The following ENPP3 variants were observed in gnomAD, a reference collection of about 807,000 sequenced individuals.
ENPP3 encodes ectonucleotide pyrophosphatase/phosphodiesterase 3, also known as ectonucleotide pyrophosphatase/phosphodiesterase family member 3.
Under a neutral mutation model 117.8 loss-of-function variants are expected in ENPP3, and 104 were observed. The ratio of observed to expected loss-of-function variants is 0.88; its 90% confidence interval spans 0.75 to 1.04. The LOEUF is 1.04. Ranked by LOEUF, ENPP3 falls within the 50% of genes least tolerant of loss-of-function variation. The probability of loss-of-function intolerance (pLI) is 0.00; values close to 1 mark genes in which losing one functional copy is unlikely to be tolerated. For synonymous variants in ENPP3, 380 were observed against 349.9 expected, an observed-to-expected ratio of 1.09 and a Z score of -0.96; for missense variants, 1,026 against 1,051.9, an observed-to-expected ratio of 0.98 and a Z score of 0.34.
At chr6:131,669,655 C>CAA (rs67597128) in intron 6 of ENPP3, among the ~76,000 whole-genome samples, 47 of 61,680 alleles carry the variant, frequency 7.6e-4, no homozygotes, top group East Asian at 1.9e-3. Context: ...GACTCCATCT[C>CAA]AAAAAAAAAA....
rs989258734 is a variant in ENPP3 at position 131,719,538 on chromosome 6, A to G, written c.1480-754A>G. ...GTAAATATTTGAAAACGATCTCTGG[A>G]GAAAGAGCTTTACTATTAATTGGGG... is the stretch of plus-strand genomic sequence containing the variant. On this transcript the variant is annotated intron_variant, in intron 16 of 24. Transcript: ENST00000357639. 1.3e-5 allele frequency among the ~76,000 whole-genome samples: 2 copies of G among 152,134 alleles called. 1 individual carries two copies. Among genetic ancestry groups the G allele is most frequent in the Admixed American group, 1.3e-4 (2 of 15,264 alleles).
chr6:131,664,886 C>T (rs1199233623), intron 6 of ENPP3, among the ~76,000 whole-genome samples: 2 of 152,124 alleles, frequency 1.3e-5, no homozygotes, highest in African/African-American at 4.8e-5. Flanking sequence ...CAACACATTT[C>T]TAGGAATGTA....
intron 14 of ENPP3, among the ~76,000 whole-genome samples, chr6:131,692,761 T>G (rs985028087): frequency 3.4e-5 from 5 of 145,782 alleles, no homozygotes; most frequent in African/African-American, 1.3e-4. Flanking sequence ...GATATATGGT[T>G]ATATATGATA....
chr6:131,652,469 A>G (rs1778283257), intron 3 of ENPP3, 73 bp from the exon 4 acceptor site: 1 of 1,407,596 alleles, frequency 7.1e-7, no homozygotes, highest in Non-Finnish European at 9.9e-7. Context: ...ATAATATAGG[A>G]ATAAATAAAT....
At chr6:131,653,312 CTTT>C (rs57202650) in intron 5 of ENPP3, among the ~76,000 whole-genome samples, 10 of 133,744 alleles carry the variant, frequency 7.5e-5, no homozygotes, top group Admixed American at 3.8e-4. Flanking sequence ...ATTTTTCTCT[CTTT>C]TTTTTTTTTT....
chr6:131,742,093 T>C (rs1780538309), intron 24 of ENPP3, among the ~76,000 whole-genome samples: 1 of 150,568 alleles, frequency 6.6e-6, no homozygotes, highest in African/African-American at 2.4e-5. Context: ...AGTGTTTAAA[T>C]TGTCTAAAGA....
rs1223423645 is a variant in ENPP3, at chr6:131,685,588, AC to A, written c.1252+96del. 11 of 1,274,140 alleles carry A rather than the reference AC, an allele frequency of 8.6e-6. No individual in the cohort carries two copies. In the African/African-American group the frequency reaches 1.0e-4, roughly 12 times the overall value. The allele number at this position is 1,274,140 out of a possible 1,614,324, so 78.9% of individuals were successfully genotyped here. A position where few individuals can be genotyped will look rare whatever the true frequency, so the allele number is the denominator to read the frequency against. On this transcript the variant is annotated intron_variant, in intron 13 of 24. Coordinates refer to ENST00000357639, the MANE Select transcript of ENPP3 (RefSeq NM_005021.5). Reference sequence around the variant, plus strand: ...TCTGAGAGGAAGTTGGGGTTATCAGACCCTCTACTGACTTCTTGAGAAGACC... The same window carrying A: ...TCTGAGAGGAAGTTGGGGTTATCAGACCTCTACTGACTTCTTGAGAAGACC...
chr6:131,657,623 GCA>G lies in ENPP3; in HGVS notation c.465-696_465-695del, dbSNP rs200517289. The stretch of plus-strand genomic sequence containing the variant: ...TAAAAGAATTGAGACTCAACAAAAT[GCA>G]CACTGTATGATTTTATTTGCATATA... On this transcript the variant is annotated intron_variant, in intron 5 of 24. Coordinates refer to ENST00000357639, the MANE Select transcript of ENPP3 (RefSeq NM_005021.5). 7.9e-3 allele frequency among the ~76,000 whole-genome samples: 1,203 copies of G among 152,280 alleles called. 11 individuals are homozygous for G. The highest frequency in any genetic ancestry group is 0.024 in the African/African-American group (1,005 of 41,558).
intron 24 of ENPP3, among the ~76,000 whole-genome samples, chr6:131,745,654 A>G (rs1274143519): frequency 6.6e-6 from 1 of 152,214 alleles, no homozygotes; most frequent in Non-Finnish European, 1.5e-5. Context: ...AAAGATGCAT[A>G]AATAAACAAT....
In ENPP3 at chr6:131,691,997, A is replaced by G. The variant is rs187587014; in HGVS notation, c.1285-1500A>G. 2.6e-5 allele frequency among the ~76,000 whole-genome samples: 4 copies of G among 152,346 alleles called. No individual in the cohort carries two copies. In the East Asian group the frequency reaches 7.7e-4, roughly 29 times the overall value. ...ACTTTTGTTTTTCTTCTTTCATTCT[A>G]TAAACTCTCCTTGCTCTCCCATTGT... On this transcript the variant is annotated intron_variant, in intron 14 of 24. Coordinates refer to ENST00000357639, the MANE Select transcript of ENPP3 (RefSeq NM_005021.5).
intron 1 of ENPP3, chr6:131,638,648 A>G (rs914095969): frequency 3.3e-5 from 9 of 275,046 alleles, no homozygotes; most frequent in African/African-American, 2.1e-4. Context: ...CTGGTCTCAA[A>G]CTCCTGGATC....
rs191123380 is a variant in ENPP3 at position 131,718,000 on chromosome 6, G to A, written c.1413-672G>A. 3.3e-5 allele frequency among the ~76,000 whole-genome samples: 5 copies of A among 152,312 alleles called. No homozygotes were observed. The East Asian group carries it at 5.8e-4, about 18-fold the overall frequency. ...AGGTTAGACCACATAGCCCAGGTGC[G>A]TAGAAGGCTGTACCATCCAGGCTTG... On this transcript the variant is annotated intron_variant, in intron 15 of 24. Transcript: ENST00000357639.
At position 131,724,050 on chromosome 6, in the gene ENPP3, T is replaced by C; in HGVS notation, c.1757T>C (p.Leu586Pro). Residue 586 changes from leucine to proline, a missense_variant, in exon 19 of 25, where the codon CTG (leucine) becomes CCG (proline). Coordinates refer to ENST00000357639, the MANE Select transcript of ENPP3 (RefSeq NM_005021.5). Reference sequence around the variant, plus strand: ...CTCATTATCTTGCAGAGTACTCAGCTGGAACAAGTGAATCAGATGCTAAAT... The same window carrying C: ...CTCATTATCTTGCAGAGTACTCAGCCGGAACAAGTGAATCAGATGCTAAAT... ...FCPHLQNSTQ[L>P]EQVNQMLNLT... 1 of 1,611,902 alleles carries C rather than the reference T, an allele frequency of 6.2e-7. No homozygotes were observed. The highest frequency in any genetic ancestry group is 8.5e-7 in the Non-Finnish European group (1 of 1,178,322).
At chr6:131,650,809 C>T (rs548260053) in intron 3 of ENPP3, among the ~76,000 whole-genome samples, 23 of 152,316 alleles carry the variant, frequency 1.5e-4, no homozygotes, top group Non-Finnish European at 3.1e-4. Flanking sequence ...TGTCTCTTCA[C>T]ATAGTCTTTC....
At chr6:131,710,038 G>A (rs1179328012) in intron 15 of ENPP3, 4 of 1,611,856 alleles carry the variant, frequency 2.5e-6, no homozygotes, top group African/African-American at 2.7e-5. Flanking sequence ...GCTTTTTAAA[G>A]AAACATTTAA....
At chr6:131,717,297 T>C (rs988710660) in intron 15 of ENPP3, among the ~76,000 whole-genome samples, 1 of 151,908 alleles carries the variant, frequency 6.6e-6, no homozygotes, top group Non-Finnish European at 1.5e-5. Flanking sequence ...ACTAAATTAC[T>C]GTCCTGTTGT....
rs191479008 is a variant in ENPP3, at chr6:131,648,941, A to G, written c.155-1086A>G. On this transcript the variant is annotated intron_variant, in intron 2 of 24. Coordinates refer to ENST00000357639, the MANE Select transcript of ENPP3 (RefSeq NM_005021.5). ...TCTCTTTCCTGAGCTTCAGACTCAAATATTCAGACCCCCTCCTAAATATGT... is the reference window on the plus strand; with the variant it reads ...TCTCTTTCCTGAGCTTCAGACTCAAGTATTCAGACCCCCTCCTAAATATGT... Among the ~76,000 whole-genome samples the G allele has an allele frequency of 2.6e-5, 4 of 152,296 alleles. No individual in the cohort carries two copies. The East Asian group carries it at 7.7e-4, about 29-fold the overall frequency.
At chr6:131,663,957 C>T (rs1000083992) in intron 6 of ENPP3, among the ~76,000 whole-genome samples, 4 of 152,134 alleles carry the variant, frequency 2.6e-5, no homozygotes, top group Non-Finnish European at 5.9e-5. Context: ...GCTCAAACTC[C>T]TGGGCTCAGG....
At chr6:131,680,062 C>A (rs1296366234) in intron 11 of ENPP3, among the ~76,000 whole-genome samples, 2 of 151,998 alleles carry the variant, frequency 1.3e-5, no homozygotes, top group African/African-American at 4.8e-5. Flanking sequence ...GGTGACAGGA[C>A]CAGATCTATG....
Sources: allele counts gnomAD v4.1 joint callset (sites outside exome capture counted in the v4.1 genomes callset), GRCh38; gene constraint gnomAD v4.1.1; transcripts MANE v1.5; gene names NCBI Gene and HGNC (gene_info 2026-07-23, HGNC 2026-07-21).